HTRA2: variants seen among roughly 807,000 people sequenced by gnomAD.
HTRA2 encodes serine protease HTRA2, mitochondrial.
A neutral mutation model predicts 42.2 loss-of-function variants in HTRA2; 24 were observed. The ratio of observed to expected loss-of-function variants is 0.57; its 90% CI spans 0.41 to 0.80. The LOEUF (loss-of-function observed/expected upper bound fraction) is 0.80, where lower values mean the gene tolerates loss of function less well. Among genes scored for constraint, HTRA2 ranks in the 30% least tolerant of loss-of-function variants. HTRA2 has a pLI of 0.00. For missense variants in HTRA2, 466 were observed against 613.5 expected (o/e 0.76, Z 2.54); for synonymous variants, 245 against 255.8 (o/e 0.96, Z 0.40).
upstream of HTRA2, chr2:74,529,683 G>C: frequency 1.9e-6 from 3 of 1,540,708 alleles, no homozygotes; most frequent in Non-Finnish European, 2.6e-6. Flanking sequence ...TTTCGCGCCC[G>C]GCCGCAGGGG....
chr2:74,532,949 A>G lies in HTRA2; in HGVS notation c.1341A>G (p.Thr447=), dbSNP rs142959433. Residue 447 remains threonine (T), a synonymous_variant, in exon 8 of 8, where the codon ACA becomes ACG. Transcript: ENST00000258080. ...LAVQIRRGRE[T]LTLYVTPEVT... ...TGCAGATCCGGCGGGGACGAGAAACACTGACCTTATATGTGACCCCTGAGG... is the reference window on the plus strand; with the variant it reads ...TGCAGATCCGGCGGGGACGAGAAACGCTGACCTTATATGTGACCCCTGAGG... The G allele has an allele frequency of 1.1e-5, 18 of 1,613,946 alleles. No homozygotes were observed. Among genetic ancestry groups the G allele is most frequent in the East Asian group, 2.2e-5 (1 of 44,890 alleles).
rs1216848599 is a variant in HTRA2 at position 74,531,718 on chromosome 2, G to A, written c.1045+16G>A. The stretch of plus-strand genomic sequence containing the variant: ...GAAAAGAAGAGTGAGCCTGCCTTAT[G>A]GGGAAACGGGTTCCTTTAATGTGGT... On this transcript the variant is annotated intron_variant, in intron 5 of 7. Coordinates refer to ENST00000258080, the MANE Select transcript of HTRA2 (RefSeq NM_013247.5). 6.2e-7 allele frequency: 1 copy of A among 1,613,652 alleles called. No homozygotes were observed. The highest frequency in any genetic ancestry group is 1.3e-5 in the African/African-American group (1 of 74,994).
chr2:74,530,281 C>G lies in HTRA2; in HGVS notation c.275C>G (p.Thr92Ser), dbSNP rs1675488532. ...ACTGCGGTGACCCCAGATACCAGGA[C>G]CCGGGAGGCCTCAGAGAACTCTGGA... ...QLTAVTPDTR[T>S]REASENSGTR... is the part of the protein sequence containing the mutation. Residue 92 changes from threonine (T) to serine (S), a missense_variant, in exon 1 of 8, where the codon ACC becomes AGC. Thr to Ser is a moderately conservative substitution (Grantham distance 58, BLOSUM62 1). This residue lies in a region of HTRA2 where 222 missense variants were observed against 205.1 expected (regional missense o/e 1.08). Transcript: ENST00000258080. This position sits in a 1 kb window ranked among gnomAD's most constrained non-coding sequence, Gnocchi z 7.4. 1 of 1,604,894 alleles carries G rather than the reference C, an allele frequency of 6.2e-7. No homozygotes were observed. Among genetic ancestry groups the G allele is most frequent in the African/African-American group, 1.3e-5 (1 of 74,614 alleles).
upstream of HTRA2, chr2:74,529,889 G>C: frequency 6.9e-7 from 1 of 1,442,278 alleles, no homozygotes; most frequent in East Asian, 2.4e-5. Flanking sequence ...CCTGGTCCCG[G>C]CGTGCACTTC....
chr2:74,531,835 T>C (rs1675632018), intron 5 of HTRA2, 21 bp from the exon 6 acceptor site: 4 of 1,613,554 alleles, frequency 2.5e-6, no homozygotes, highest in South Asian at 1.1e-5. Context: ...TGGGTGGGGC[T>C]CATTTGTCCC....
chr2:74,531,138 T>C, intron 3 of HTRA2, 33 bp downstream of exon 3: 1 of 1,607,882 alleles, frequency 6.2e-7, no homozygotes, highest in Non-Finnish European at 8.5e-7. Flanking sequence ...TGACAAATGA[T>C]GGGGGAGGGG....
downstream of HTRA2, chr2:74,533,389 C>T (rs1321807462): frequency 3.5e-6 from 2 of 569,790 alleles, no homozygotes; most frequent in Non-Finnish European, 6.3e-6. Context: ...CTGCTCGGTG[C>T]TGGGCCTGGG....
At position 74,532,646 on chromosome 2, in the gene HTRA2, A is replaced by C. The variant is rs1368183245; in HGVS notation, c.1143A>C (p.Glu381Asp). The C allele has an allele frequency of 6.2e-7, 1 of 1,613,630 alleles. No homozygotes were observed. The highest frequency in any genetic ancestry group is 8.5e-7 in the Non-Finnish European group (1 of 1,180,004). Reference protein sequence around the residue: ...PSILAELQLREPSFPDVQHGV... With the variant: ...PSILAELQLRDPSFPDVQHGV... ...TCCTTGCTGAACTACAGCTTCGAGAACCAAGCTTTCCCGATGTTCAGCATG... is the reference window on the plus strand; with the variant it reads ...TCCTTGCTGAACTACAGCTTCGAGACCCAAGCTTTCCCGATGTTCAGCATG... Residue 381 changes from glutamate to aspartate, a missense_variant, in exon 7 of 8, where the codon GAA becomes GAC. Physicochemically the swap from Glu to Asp is conservative, Grantham distance 45. Around this residue, in one of 3 missense-constraint regions of HTRA2, gnomAD observed 129 missense variants for 163.1 expected, o/e 0.79. Transcript: ENST00000258080.
At position 74,533,087 on chromosome 2, in the gene HTRA2, G is replaced by A. The variant is rs1558614503; in HGVS notation, c.*102G>A. The A allele has an allele frequency of 9.0e-7, 1 of 1,113,334 alleles. No homozygotes were observed. The highest frequency in any genetic ancestry group is 2.4e-5 in the East Asian group (1 of 42,202). 69.0% of individuals were successfully genotyped at this position (1,113,334 alleles called of 1,614,324 possible). A position where few individuals can be genotyped will look rare whatever the true frequency, so the allele number is the denominator to read the frequency against. On this transcript the variant is annotated 3_prime_UTR_variant, in exon 8 of 8. Coordinates refer to ENST00000258080, the MANE Select transcript of HTRA2 (RefSeq NM_013247.5). ...ACAGAGGGTTAAATGAACCAGTGGG[G>A]GCAGGTCCCTCCAACCACCAGCACT...
In HTRA2 at chr2:74,530,502, A is replaced by T; in HGVS notation, c.496A>T (p.Ile166Phe). ...KTAPAVVYIE[I>F]LDRHPFLGRE... The stretch of plus-strand genomic sequence containing the variant: ...AGCACCTGCCGTGGTCTATATCGAG[A>T]TCCTGGACCGGTAATGGTGGGGGTA... The change falls in exon 1 of 8, where the codon ATC (isoleucine) becomes TTC (phenylalanine). Residue 166 changes from isoleucine (I) to phenylalanine (F), a missense_variant. By Grantham distance (21) the Ile-to-Phe change is conservative. Coordinates refer to ENST00000258080, the MANE Select transcript of HTRA2 (RefSeq NM_013247.5). The surrounding 1 kb of genome is among the most constrained non-coding windows in gnomAD (Gnocchi z 7.4). 6.2e-7 allele frequency: 1 copy of T among 1,611,550 alleles called. No individual in the cohort carries two copies. The highest frequency in any genetic ancestry group is 8.5e-7 in the Non-Finnish European group (1 of 1,180,010).
intron 5 of HTRA2, 39 bp from the exon 6 acceptor site, chr2:74,531,817 G>T (rs771907224): frequency 6.2e-7 from 1 of 1,613,022 alleles, no homozygotes; most frequent in Non-Finnish European, 8.5e-7. Context: ...GGGAAGGAAG[G>T]ATGTAGCTGG....
At chr2:74,531,479 G>A (rs770415522) in intron 4 of HTRA2, 108 bp downstream of exon 4, 8 of 1,608,576 alleles carry the variant, frequency 5.0e-6, no homozygotes, top group Non-Finnish European at 4.3e-6. Flanking sequence ...GCAGTTCTTT[G>A]TTGGCTATCT....
Position 74,529,944 on chromosome 2 carries a change from C to G in HTRA2, c.-63C>G, listed in dbSNP as rs1228580171. The stretch of plus-strand genomic sequence containing the variant: ...GCGTGCCCCGCGTCCTACTGTCCGC[C>G]TGCTCGCGTCCTGGGTGCCGCCTCT... On this transcript the variant is annotated 5_prime_UTR_variant, in exon 1 of 8. Transcript: ENST00000258080. 1 of 1,494,660 alleles carries G rather than the reference C, an allele frequency of 6.7e-7. No homozygotes were observed. The highest frequency in any genetic ancestry group is 1.4e-5 in the African/African-American group (1 of 71,368). 92.6% of individuals were successfully genotyped at this position (1,494,660 alleles called of 1,614,324 possible).
chr2:74,529,926 C>T, upstream of HTRA2: 1 of 1,482,984 alleles, frequency 6.7e-7, no homozygotes, highest in Non-Finnish European at 8.9e-7. Flanking sequence ...CCGGCGTGCC[C>T]CGCGTCCTAC....
Position 74,532,854 on chromosome 2 carries a change from A to G in HTRA2, c.1246A>G (p.Ile416Val). 6 of 1,614,150 alleles carry G rather than the reference A, an allele frequency of 3.7e-6. No homozygotes were observed. The highest frequency in any genetic ancestry group is 5.1e-6 in the Non-Finnish European group (6 of 1,180,038). ...GLRPGDVILA[I>V]GEQMVQNAED... ...GCGGCCTGGTGATGTGATTTTGGCC[A>G]TTGGGGAGCAGATGGTACAAAATGC... Residue 416 changes from isoleucine (I) to valine (V), a missense_variant, in exon 8 of 8, where the codon ATT (isoleucine) becomes GTT (valine). Coordinates refer to ENST00000258080, the MANE Select transcript of HTRA2 (RefSeq NM_013247.5).
chr2:74,532,520 T>C, intron 6 of HTRA2, 99 bp from the exon 7 acceptor site: 1 of 897,814 alleles, frequency 1.1e-6, no homozygotes, highest in Admixed American at 2.0e-5. Context: ...CCATGTCCTG[T>C]CCATATATTT....
At chr2:74,531,201 T>A in intron 3 of HTRA2, 96 bp downstream of exon 3, 1 of 1,541,196 alleles carries the variant, frequency 6.5e-7, no homozygotes, top group African/African-American at 1.4e-5. Context: ...TGAGCCTATA[T>A]AGAGCTTAGG....
chr2:74,532,544 T>G, intron 6 of HTRA2, 75 bp from the exon 7 acceptor site: 18 of 1,110,182 alleles, frequency 1.6e-5, no homozygotes, highest in Non-Finnish European at 2.5e-5. Flanking sequence ...AATGTGTTGA[T>G]GAGAGACTTG....
At chr2:74,529,714 T>C, upstream of HTRA2, 1 of 1,532,044 alleles carries the variant, frequency 6.5e-7, no homozygotes, top group Non-Finnish European at 8.7e-7. Context: ...GGCGGAGTCT[T>C]TGGGCATCCG....
Sources: allele counts gnomAD v4.1 joint callset, GRCh38; gene constraint gnomAD v4.1.1; regional missense constraint gnomAD v4.1.1; non-coding constraint Gnocchi (gnomAD v3.1); transcripts MANE v1.5; gene names NCBI Gene and HGNC (gene_info 2026-07-23, HGNC 2026-07-21).